SFI1: variants seen among roughly 807,000 people sequenced by gnomAD.
SFI1 encodes the protein protein SFI1 homolog.
A neutral mutation model predicts 207.5 loss-of-function variants in SFI1; 195 were observed. The observed-to-expected ratio is 0.94, with a 90% confidence interval of 0.84 to 1.06. The LOEUF is 1.06. SFI1 is among the 50% of genes least tolerant of loss of function. SFI1 has a pLI of 0.00. For synonymous variants in SFI1, 630 were observed against 598.9 expected, an observed-to-expected ratio of 1.05 and a Z score of -0.76; for missense variants, 1,634 against 1,588.0, an observed-to-expected ratio of 1.03 and a Z score of -0.49.
intron 4 of SFI1, among the ~76,000 whole-genome samples, chr22:31,538,084 G>A (rs968983551): frequency 6.6e-6 from 1 of 152,070 alleles, no homozygotes; most frequent in East Asian, 1.9e-4. Flanking sequence ...CAATTCTCCT[G>A]CCTCAGCCTG....
chr22:31,523,495 G>A (rs1398235893), intron 2 of SFI1, among the ~76,000 whole-genome samples: 1 of 152,208 alleles, frequency 6.6e-6, no homozygotes, highest in African/African-American at 2.4e-5. Context: ...TGAGCCTGAA[G>A]AATAAGCCAG....
chr22:31,592,753 G>A (rs1427255715), intron 15 of SFI1, among the ~76,000 whole-genome samples: 7 of 118,038 alleles, frequency 5.9e-5, no homozygotes, highest in African/African-American at 1.1e-4. Context: ...CAGTAGGGGC[G>A]GCCGGGCAGA....
intron 9 of SFI1, 73 bp downstream of exon 9, chr22:31,573,287 T>G: frequency 6.7e-7 from 1 of 1,500,818 alleles, no homozygotes; most frequent in Non-Finnish European, 9.0e-7. Context: ...CCAGTGGTAC[T>G]GTACTAAGAA....
intron 27 of SFI1, 68 bp downstream of exon 27, chr22:31,613,923 AG>A: frequency 6.7e-7 from 1 of 1,501,966 alleles, no homozygotes; most frequent in Non-Finnish European, 8.9e-7. Flanking sequence ...CATAGCAGGG[AG>A]GAAAACAGCC....
At chr22:31,594,690 C>G (rs531143426) in intron 15 of SFI1, among the ~76,000 whole-genome samples, 5 of 150,774 alleles carry the variant, frequency 3.3e-5, no homozygotes, top group African/African-American at 7.3e-5. Flanking sequence ...CCTGTCTCTG[C>G]TAAAAATACA....
At chr22:31,553,388 C>G (rs1351191261) in intron 6 of SFI1, among the ~76,000 whole-genome samples, 1 of 151,958 alleles carries the variant, frequency 6.6e-6, no homozygotes, top group African/African-American at 2.4e-5. Flanking sequence ...CACGGAATCT[C>G]ACTCTTGCCC....
At chr22:31,611,957 TC>T in intron 24 of SFI1, 117 bp downstream of exon 24, 1 of 1,464,524 alleles carries the variant, frequency 6.8e-7, no homozygotes, top group Non-Finnish European at 9.1e-7. Context: ...ACTATCACCC[TC>T]CCCAGGGCCA....
chr22:31,573,761 A>G (rs760749121), intron 9 of SFI1, among the ~76,000 whole-genome samples: 2 of 152,112 alleles, frequency 1.3e-5, no homozygotes. Flanking sequence ...TTTTATCTAA[A>G]TAGGGTTTTC....
chr22:31,525,576 A>C (rs1987291950), intron 2 of SFI1, among the ~76,000 whole-genome samples: 2 of 152,110 alleles, frequency 1.3e-5, no homozygotes, highest in African/African-American at 4.8e-5. Context: ...AAAATTAGCC[A>C]GGTGGTAGCA....
At chr22:31,534,888 T>C (rs894052805) in intron 4 of SFI1, among the ~76,000 whole-genome samples, 1 of 151,680 alleles carries the variant, frequency 6.6e-6, no homozygotes, top group Non-Finnish European at 1.5e-5. Context: ...TTTTTTTTTT[T>C]CCTGAGACCG....
intron 14 of SFI1, among the ~76,000 whole-genome samples, chr22:31,588,136 G>A (rs2065285654): frequency 6.6e-6 from 1 of 152,196 alleles, no homozygotes; most frequent in South Asian, 2.1e-4. Flanking sequence ...AGCCTCAACT[G>A]AAAAGATTCT....
intron 1 of SFI1, among the ~76,000 whole-genome samples, chr22:31,500,506 G>A (rs2053563344): frequency 6.6e-6 from 1 of 152,120 alleles, no homozygotes; most frequent in Admixed American, 6.5e-5. Flanking sequence ...CACCCACGGT[G>A]GAATGCATTG....
At chr22:31,507,321 GACCCC>G (rs2054785373) in intron 1 of SFI1, among the ~76,000 whole-genome samples, 2 of 152,074 alleles carry the variant, frequency 1.3e-5, no homozygotes, top group South Asian at 4.1e-4. Flanking sequence ...ATTGAAGCTG[GACCCC>G]TTCTTTACAC....
At chr22:31,534,254 A>G (rs1236385593) in intron 4 of SFI1, among the ~76,000 whole-genome samples, 1 of 152,102 alleles carries the variant, frequency 6.6e-6, no homozygotes, top group African/African-American at 2.4e-5. Context: ...CGGCCTCCCA[A>G]AGTGCTGGGA....
intron 13 of SFI1, among the ~76,000 whole-genome samples, chr22:31,584,216 G>A (rs2064723365): frequency 6.6e-6 from 1 of 152,094 alleles, no homozygotes; most frequent in South Asian, 2.1e-4. Flanking sequence ...GTGCCTGGTC[G>A]CTCACTGCCT....
chr22:31,531,729 A>C (rs1190104375), intron 4 of SFI1, among the ~76,000 whole-genome samples: 1 of 152,170 alleles, frequency 6.6e-6, no homozygotes, highest in Non-Finnish European at 1.5e-5. Flanking sequence ...CCCCGTCTCT[A>C]CTAAAAATAC....
Position 31,617,172 on chromosome 22 carries a change from C to A in SFI1, c.3512+94C>A, listed in dbSNP as rs1270653329. On this transcript the variant is annotated intron_variant, in intron 31 of 32. Coordinates refer to ENST00000400288, the MANE Select transcript of SFI1 (RefSeq NM_001007467.3). ...AGTTCCATTTCCCCCGAGCCAGCTGCCAGGGTCCTGTAGGTGGTCTCGGTC... is the reference window on the plus strand; with the variant it reads ...AGTTCCATTTCCCCCGAGCCAGCTGACAGGGTCCTGTAGGTGGTCTCGGTC... 8.8e-6 allele frequency: 12 copies of A among 1,368,684 alleles called. No individual in the cohort carries two copies. In the Admixed American group the frequency reaches 1.7e-4, roughly 20 times the overall value. The allele number at this position is 1,368,684 out of a possible 1,614,324, so 84.8% of individuals were successfully genotyped here.
chr22:31,546,054 C>A (rs960145484), intron 4 of SFI1, among the ~76,000 whole-genome samples: 9 of 151,448 alleles, frequency 5.9e-5, no homozygotes, highest in African/African-American at 2.2e-4. Context: ...CCCCGCTATG[C>A]CTGGCTAATT....
intron 25 of SFI1, 66 bp downstream of exon 25, chr22:31,613,282 A>G (rs1199122958): frequency 6.2e-7 from 1 of 1,608,002 alleles, no homozygotes. Flanking sequence ...CCTTGGGTGG[A>G]GGGAGGGCAC....
Sources: allele counts gnomAD v4.1 joint callset (sites outside exome capture counted in the v4.1 genomes callset), GRCh38; gene constraint gnomAD v4.1.1; transcripts MANE v1.5; gene names NCBI Gene and HGNC (gene_info 2026-07-23, HGNC 2026-07-21).